PTPRD: variants seen among roughly 807,000 people sequenced by gnomAD.
PTPRD encodes protein tyrosine phosphatase receptor type D, also known as receptor-type tyrosine-protein phosphatase delta.
Under a neutral mutation model 214.5 loss-of-function variants are expected in PTPRD, and 34 were observed. The ratio of observed to expected loss-of-function variants is 0.16; its 90% CI spans 0.12 to 0.21. The LOEUF (loss-of-function observed/expected upper bound fraction) is 0.21, where lower values mean the gene tolerates loss of function less well. PTPRD is among the 10% of genes least tolerant of loss of function. The probability of loss-of-function intolerance (pLI) is 1.00; values close to 1 mark genes in which losing one functional copy is unlikely to be tolerated. For missense variants in PTPRD, 2,545 were observed against 2,398.7 expected, an observed-to-expected ratio of 1.06 and a Z score of -1.27; for synonymous variants, 1,128 against 845.7, an observed-to-expected ratio of 1.33 and a Z score of -5.79.
At chr9:9,771,371 G>C (rs1597349553) in intron 5 of PTPRD, among the ~76,000 whole-genome samples, 2 of 152,088 alleles carry the variant, frequency 1.3e-5, no homozygotes, top group East Asian at 3.9e-4. Flanking sequence ...ATATTCTGAA[G>C]TACATAATTA....
chr9:8,856,690 G>A (rs565153781), intron 11 of PTPRD, among the ~76,000 whole-genome samples: 1 of 152,282 alleles, frequency 6.6e-6, no homozygotes, highest in African/African-American at 2.4e-5. Flanking sequence ...TAGCGTACTG[G>A]GAGGCGAACT....
chr9:10,194,159 T>C (rs536804693), intron 3 of PTPRD, among the ~76,000 whole-genome samples: 12 of 152,166 alleles, frequency 7.9e-5, no homozygotes, highest in Non-Finnish European at 1.8e-4. Flanking sequence ...TAGCTTATCA[T>C]TGATGCCTCT....
chr9:9,429,119 T>A (rs1009478608), intron 8 of PTPRD, among the ~76,000 whole-genome samples: 2 of 151,978 alleles, frequency 1.3e-5, no homozygotes, highest in Non-Finnish European at 2.9e-5. Context: ...CAGGAACTGG[T>A]TTTTTGAAAA....
At chr9:9,305,901 T>C (rs1315018213) in intron 9 of PTPRD, among the ~76,000 whole-genome samples, 2 of 152,136 alleles carry the variant, frequency 1.3e-5, no homozygotes, top group African/African-American at 4.8e-5. Flanking sequence ...TTCCTAGCTC[T>C]TTCATAGGGA....
intron 15 of PTPRD, chr9:8,528,387 C>T: frequency 1.6e-6 from 1 of 629,088 alleles, no homozygotes; most frequent in Non-Finnish European, 2.8e-6. Context: ...AGCTGCAAAA[C>T]ACACAGAGAA....
chr9:10,593,877 A>G lies in PTPRD; in HGVS notation c.-600+18521T>C, dbSNP rs148629497. ...ACAGGAAATCTACAATTTCCAAAAT[A>G]TTTCCTCCAGCCCCAAATGGTGCTT... On this transcript the variant is annotated intron_variant, in intron 2 of 45. Transcript: ENST00000381196. Among the ~76,000 whole-genome samples, 804 of 152,034 alleles carry G rather than the reference A, an allele frequency of 5.3e-3. 3 individuals are homozygous for G. The highest frequency in any genetic ancestry group is 7.8e-3 in the Non-Finnish European group (533 of 67,920).
chr9:10,132,143 A>T (rs1284217057), intron 3 of PTPRD, among the ~76,000 whole-genome samples: 3 of 152,186 alleles, frequency 2.0e-5, no homozygotes, highest in African/African-American at 7.2e-5. Flanking sequence ...TATTCTTAAG[A>T]CATTGGGTAA....
intron 14 of PTPRD, among the ~76,000 whole-genome samples, chr9:8,549,455 T>C (rs922765994): frequency 2.0e-5 from 3 of 152,164 alleles, no homozygotes; most frequent in African/African-American, 7.2e-5. Flanking sequence ...CAGCAAAGAA[T>C]TTACAGTGAG....
At position 9,650,592 on chromosome 9, in the gene PTPRD, C is replaced by A. The variant is rs536050949; in HGVS notation, c.-286-75811G>T. 7.2e-5 allele frequency among the ~76,000 whole-genome samples: 11 copies of A among 151,946 alleles called. No individual in the cohort carries two copies. The East Asian group carries it at 1.9e-3, about 27-fold the overall frequency. ...GCCTCATTATATGAACATATGGACACCTAGAGGGGAACAACATATACTAGG... is the reference window on the plus strand; with the variant it reads ...GCCTCATTATATGAACATATGGACAACTAGAGGGGAACAACATATACTAGG... On this transcript the variant is annotated intron_variant, in intron 7 of 45. Coordinates refer to ENST00000381196, the MANE Select transcript of PTPRD (RefSeq NM_002839.4).
intron 7 of PTPRD, among the ~76,000 whole-genome samples, chr9:9,655,366 T>G (rs549480105): frequency 2.0e-5 from 3 of 152,146 alleles, no homozygotes; most frequent in Admixed American, 6.5e-5. Flanking sequence ...GGTCAGGAGT[T>G]CAAGACTATT....
At chr9:9,650,414 T>C (rs1440045042) in intron 7 of PTPRD, among the ~76,000 whole-genome samples, 3 of 152,224 alleles carry the variant, frequency 2.0e-5, no homozygotes, top group Non-Finnish European at 4.4e-5. Context: ...TTTCCCTACT[T>C]GATTATGGTG....
Position 8,868,631 on chromosome 9 carries a change from C to CT in PTPRD, c.-103-134686dup, listed in dbSNP as rs796148766. Among the ~76,000 whole-genome samples, 51 of 152,078 alleles carry CT rather than the reference C, an allele frequency of 3.4e-4. 1 individual carries two copies. The highest frequency in any genetic ancestry group is 1.2e-3 in the African/African-American group (50 of 41,512). On this transcript the variant is annotated intron_variant, in intron 11 of 45. Coordinates refer to ENST00000381196, the MANE Select transcript of PTPRD (RefSeq NM_002839.4). The stretch of plus-strand genomic sequence containing the variant: ...GACTAGATTATCTTTAAAGTTGTTT[C>CT]TTTTTTTTCTCCCAGCTCTAGGATT...
chr9:9,791,438 C>G (rs988972951), intron 5 of PTPRD, among the ~76,000 whole-genome samples: 1 of 151,848 alleles, frequency 6.6e-6, no homozygotes, highest in African/African-American at 2.4e-5. Context: ...TTCTAATGGC[C>G]TAGATGGAAT....
At chr9:8,762,281 G>A (rs2094458992) in intron 11 of PTPRD, among the ~76,000 whole-genome samples, 2 of 152,066 alleles carry the variant, frequency 1.3e-5, no homozygotes, top group African/African-American at 4.8e-5. Context: ...TGACTTTTGG[G>A]AATTTGTTTG....
At chr9:8,794,116 G>A (rs1230380215) in intron 11 of PTPRD, among the ~76,000 whole-genome samples, 2 of 151,346 alleles carry the variant, frequency 1.3e-5, no homozygotes, top group Admixed American at 1.3e-4. Flanking sequence ...AAGGACAGCA[G>A]CAATGCATTT....
At chr9:9,162,596 T>C (rs1047132773) in intron 10 of PTPRD, among the ~76,000 whole-genome samples, 15 of 152,152 alleles carry the variant, frequency 9.9e-5, no homozygotes, top group African/African-American at 3.1e-4. Context: ...TTCTCCACCC[T>C]CCACCTGCTT....
chr9:9,419,080 T>C (rs537586450), intron 8 of PTPRD, among the ~76,000 whole-genome samples: 225 of 151,074 alleles, frequency 1.5e-3, no homozygotes, highest in Non-Finnish European at 1.7e-3. Flanking sequence ...TATTCTATTG[T>C]ACAACTGGGT....
At chr9:10,418,559 G>C (rs1478151641) in intron 2 of PTPRD, among the ~76,000 whole-genome samples, 2 of 150,064 alleles carry the variant, frequency 1.3e-5, no homozygotes, top group African/African-American at 2.5e-5. Flanking sequence ...TGGCATACCT[G>C]TTAATTTTAA....
chr9:10,216,726 T>A (rs1364564549), intron 3 of PTPRD, among the ~76,000 whole-genome samples: 1 of 152,078 alleles, frequency 6.6e-6, no homozygotes, highest in Non-Finnish European at 1.5e-5. Context: ...GTTGGAAGTA[T>A]ACGGAATAAA....
Sources: gnomAD v4.1 joint callset for allele counts (sites outside exome capture counted in the v4.1 genomes callset) on GRCh38, gnomAD v4.1.1 for gene constraint, MANE v1.5 for transcripts, NCBI Gene and HGNC (gene_info 2026-07-23, HGNC 2026-07-21) for gene names.